Variants in CNTNAP3 observed in about 807,000 individuals in gnomAD.
CNTNAP3 encodes contactin-associated protein-like 3.
CNTNAP3 carries 36 observed loss-of-function variants against 92.1 expected under a neutral mutation model. The observed-to-expected ratio is 0.39, with a 90% confidence interval of 0.30 to 0.52. The LOEUF is 0.52. Ranked by LOEUF, CNTNAP3 falls within the 20% of genes least tolerant of loss-of-function variation. The pLI, the probability that CNTNAP3 is intolerant of heterozygous loss-of-function variation, is 0.76. For synonymous variants in CNTNAP3, 232 were observed against 422.3 expected (o/e 0.55, Z 5.53); for missense variants, 534 against 1,069.6 (o/e 0.50, Z 6.98).
intron 13 of CNTNAP3, among the ~76,000 whole-genome samples, chr9:39,126,691 C>T (rs186397678): frequency 0.074 from 11,236 of 151,834 alleles, 423 homozygotes; most frequent in East Asian, 0.11. Flanking sequence ...TCATATGCTT[C>T]CAGTACTTTC....
At chr9:39,100,726 A>G (rs1409397156) in intron 17 of CNTNAP3, among the ~76,000 whole-genome samples, 2 of 152,042 alleles carry the variant, frequency 1.3e-5, no homozygotes, top group Non-Finnish European at 2.9e-5. Context: ...CAGAGGGTAC[A>G]GTGCTAAACA....
At position 39,067,898 on chromosome 9, in the gene CNTNAP3, T is replaced by C. The variant is rs1051372465; in HGVS notation, c.*5992A>G. On this transcript the variant is annotated 3_prime_UTR_variant, in exon 24 of 24. Transcript: ENST00000297668. ...ATTCTACCTAATGCCCTATTAATTATGGGGATTTCTGGTATAGCCCATGGC... is the reference window on the plus strand; with the variant it reads ...ATTCTACCTAATGCCCTATTAATTACGGGGATTTCTGGTATAGCCCATGGC... Among the ~76,000 whole-genome samples, 1 of 152,306 alleles carries C rather than the reference T, an allele frequency of 6.6e-6. No individual in the cohort carries two copies. The highest frequency in any genetic ancestry group is 1.5e-5 in the Non-Finnish European group (1 of 68,058).
chr9:39,093,730 A>G (rs1826264719), intron 18 of CNTNAP3, among the ~76,000 whole-genome samples: 1 of 151,592 alleles, frequency 6.6e-6, no homozygotes, highest in Non-Finnish European at 1.5e-5. Flanking sequence ...ACAATATACC[A>G]TTATATGTAT....
intron 18 of CNTNAP3, among the ~76,000 whole-genome samples, chr9:39,098,797 T>G (rs1341634735): frequency 6.6e-6 from 1 of 152,138 alleles, no homozygotes; most frequent in Admixed American, 6.6e-5. Flanking sequence ...TTATAGTGAT[T>G]AAAGCCTGTT....
In CNTNAP3 at chr9:39,066,719, T is replaced by C. The variant is rs991414117; in HGVS notation, c.*7171A>G. On this transcript the variant is annotated 3_prime_UTR_variant, in exon 24 of 24. Transcript: ENST00000297668. ...TGCTCCACTGCCCTTCCCCTTGCAT[T>C]GCTTCCAAAAAGAAGTCTGGTATCA... is the stretch of plus-strand genomic sequence containing the variant. Among the ~76,000 whole-genome samples, 1 of 152,310 alleles carries C rather than the reference T, an allele frequency of 6.6e-6. No homozygotes were observed. Among genetic ancestry groups the C allele is most frequent in the African/African-American group, 2.4e-5 (1 of 41,488 alleles).
intron 19 of CNTNAP3, 32 bp from the exon 20 acceptor site, chr9:39,086,881 A>C (rs1332207472): frequency 1.3e-6 from 2 of 1,525,592 alleles, no homozygotes; most frequent in Admixed American, 3.7e-5. Flanking sequence ...ATTTAAAATT[A>C]AAGTGGTATT....
rs1825634676 is a variant in CNTNAP3 at position 39,071,515 on chromosome 9, A to T, written c.*2375T>A. Among the ~76,000 whole-genome samples, 1 of 151,948 alleles carries T rather than the reference A, an allele frequency of 6.6e-6. No homozygotes were observed. On this transcript the variant is annotated 3_prime_UTR_variant, in exon 24 of 24. Coordinates refer to ENST00000297668, the MANE Select transcript of CNTNAP3 (RefSeq NM_033655.5). ...CTTTCTCAAATGAAGAATGGTAATT[A>T]TATGCTATTTTCTTTTTTAATTTGA... is the stretch of plus-strand genomic sequence containing the variant.
intron 13 of CNTNAP3, among the ~76,000 whole-genome samples, chr9:39,120,861 C>T (rs1407904367): frequency 2.0e-5 from 3 of 151,918 alleles, no homozygotes; most frequent in Non-Finnish European, 4.4e-5. Context: ...ATAGACTATC[C>T]TTATCAATTT....
chr9:39,079,132 AAC>A (rs1360611442), intron 21 of CNTNAP3, among the ~76,000 whole-genome samples: 1 of 152,136 alleles, frequency 6.6e-6, no homozygotes, highest in Non-Finnish European at 1.5e-5. Context: ...GCAGGTTTTT[AAC>A]AGATTCGTTC....
chr9:39,126,468 A>C (rs1821156100), intron 13 of CNTNAP3, among the ~76,000 whole-genome samples: 1 of 152,132 alleles, frequency 6.6e-6, no homozygotes, highest in Non-Finnish European at 1.5e-5. Context: ...TTACCCTAAT[A>C]CCCAAACCAG....
At chr9:39,102,078 G>T (rs531922988) in intron 17 of CNTNAP3, among the ~76,000 whole-genome samples, 1 of 152,280 alleles carries the variant, frequency 6.6e-6, no homozygotes, top group African/African-American at 2.4e-5. Flanking sequence ...AAGAGATCAC[G>T]ACCATCCTGG....
rs1447421933 is a variant in CNTNAP3, at chr9:39,119,477, C to T, written c.2081-1218G>A. ...AAAGATATTTTTAAAAATTAATACA[C>T]TCTTCTCGGAATGCCACTTTAAAAG... On this transcript the variant is annotated intron_variant, in intron 13 of 23. Coordinates refer to ENST00000297668, the MANE Select transcript of CNTNAP3 (RefSeq NM_033655.5). Among the ~76,000 whole-genome samples the T allele has an allele frequency of 6.6e-5, 10 of 152,072 alleles. No individual in the cohort carries two copies. The East Asian group carries it at 1.9e-3, about 29-fold the overall frequency.
rs565046805 is a variant in CNTNAP3 at position 39,136,020 on chromosome 9, C to T, written c.1877-2885G>A. Among the ~76,000 whole-genome samples the T allele has an allele frequency of 6.2e-3, 937 of 151,108 alleles. 6 individuals are homozygous for T. The highest frequency in any genetic ancestry group is 0.037 in the Middle Eastern group (11 of 294). ...GGCACGTGCCTGTAGTCCCAGCTAC[C>T]GGGGAGGCCGAGGCAGAAGAATCGC... On this transcript the variant is annotated intron_variant, in intron 12 of 23. Transcript: ENST00000297668.
At chr9:39,101,327 G>A (rs4478690) in intron 17 of CNTNAP3, among the ~76,000 whole-genome samples, 31,679 of 151,886 alleles carry the variant, frequency 0.21, 3,556 homozygotes, top group East Asian at 0.36. Flanking sequence ...TGTAAATTAG[G>A]TTGGATGATA....
intron 17 of CNTNAP3, 96 bp downstream of exon 17, chr9:39,102,401 T>C (rs1369427757): frequency 2.7e-5 from 42 of 1,559,216 alleles, no homozygotes; most frequent in Non-Finnish European, 3.7e-5. Flanking sequence ...GTAGTTGTTG[T>C]TGGCAACTGT....
At position 39,066,727 on chromosome 9, in the gene CNTNAP3, A is replaced by T. The variant is rs1181144861; in HGVS notation, c.*7163T>A. 2.3e-4 allele frequency among the ~76,000 whole-genome samples: 35 copies of T among 152,406 alleles called. No individual in the cohort carries two copies. The highest frequency in any genetic ancestry group is 2.9e-4 in the Non-Finnish European group (20 of 68,036). On this transcript the variant is annotated 3_prime_UTR_variant, in exon 24 of 24. Coordinates refer to ENST00000297668, the MANE Select transcript of CNTNAP3 (RefSeq NM_033655.5). ...TGCCCTTCCCCTTGCATTGCTTCCA[A>T]AAAGAAGTCTGGTATCATCCTTGTT...
intron 23 of CNTNAP3, among the ~76,000 whole-genome samples, chr9:39,077,485 A>T (rs1299782540): frequency 6.6e-6 from 1 of 152,144 alleles, no homozygotes; most frequent in Non-Finnish European, 1.5e-5. Flanking sequence ...TGAACCCGGG[A>T]GGCGGAGCTT....
At chr9:39,077,224 C>T (rs1198420974) in intron 23 of CNTNAP3, among the ~76,000 whole-genome samples, 1 of 152,090 alleles carries the variant, frequency 6.6e-6, no homozygotes, top group Non-Finnish European at 1.5e-5. Flanking sequence ...TCCTTAATGA[C>T]AGGGAATTAT....
At chr9:39,128,870 A>C (rs1821211056) in intron 13 of CNTNAP3, among the ~76,000 whole-genome samples, 1 of 149,412 alleles carries the variant, frequency 6.7e-6, no homozygotes, top group African/African-American at 2.5e-5. Flanking sequence ...AGAAACATGT[A>C]AACAAAAATG....
Sources: allele counts gnomAD v4.1 joint callset (sites outside exome capture counted in the v4.1 genomes callset), GRCh38; gene constraint gnomAD v4.1.1; transcripts MANE v1.5; gene names NCBI Gene and HGNC (gene_info 2026-07-23, HGNC 2026-07-21).